Variants in ACOXL observed in about 807,000 individuals in gnomAD.
ACOXL encodes acyl-coenzyme A oxidase-like protein.
A neutral mutation model predicts 71.9 loss-of-function variants in ACOXL; 70 were observed. That is an observed-to-expected ratio of 0.97 (90% CI 0.80 to 1.19). The LOEUF is 1.19. Ranked by LOEUF, ACOXL falls within the 50% of genes most tolerant of loss-of-function variation. The pLI is 0.00. For missense variants in ACOXL, 703 were observed against 736.3 expected, an observed-to-expected ratio of 0.95 and a Z score of 0.52; for synonymous variants, 253 against 281.6, an observed-to-expected ratio of 0.90 and a Z score of 1.02.
At chr2:111,007,826 C>T (rs1445295717) in intron 14 of ACOXL, among the ~76,000 whole-genome samples, 2 of 152,152 alleles carry the variant, frequency 1.3e-5, no homozygotes, top group South Asian at 2.1e-4. Context: ...TCTGTATGCA[C>T]GTATATTAGA....
chr2:110,922,072 A>G (rs1477547688), intron 11 of ACOXL, among the ~76,000 whole-genome samples: 1 of 152,248 alleles, frequency 6.6e-6, no homozygotes, highest in Non-Finnish European at 1.5e-5. Flanking sequence ...TCTGCAGATC[A>G]TATATATCAT....
chr2:111,104,291 T>C (rs777302634), intron 17 of ACOXL, among the ~76,000 whole-genome samples: 47 of 152,352 alleles, frequency 3.1e-4, no homozygotes, highest in Middle Eastern at 6.8e-3. Flanking sequence ...ATAAAATAAA[T>C]TTCATTTTCC....
At position 111,117,903 on chromosome 2, in the gene ACOXL, G is replaced by C; in HGVS notation, c.*87G>C. ...CCCAGAGCTGTGGCCGAGGCCGGGG[G>C]CTGGCACCCGCTGGGCCGCCACTCT... On this transcript the variant is annotated 3_prime_UTR_variant, in exon 18 of 18. Transcript: ENST00000439055. 1 of 1,389,426 alleles carries C rather than the reference G, an allele frequency of 7.2e-7. No individual in the cohort carries two copies. The highest frequency in any genetic ancestry group is 9.6e-7 in the Non-Finnish European group (1 of 1,043,918). 86.1% of individuals were successfully genotyped at this position (1,389,426 alleles called of 1,614,324 possible). A position where few individuals can be genotyped will look rare whatever the true frequency, so the allele number is the denominator to read the frequency against.
chr2:110,760,401 C>T (rs1216374369), intron 1 of ACOXL, among the ~76,000 whole-genome samples: 1 of 152,200 alleles, frequency 6.6e-6, no homozygotes, highest in Non-Finnish European at 1.5e-5. Flanking sequence ...GCCTCAGCCT[C>T]CCAAAGTGCT....
At chr2:111,032,051 G>C (rs188597228) in intron 15 of ACOXL, among the ~76,000 whole-genome samples, 72 of 152,324 alleles carry the variant, frequency 4.7e-4, no homozygotes, top group African/African-American at 1.7e-3. Context: ...GCCTGACCAT[G>C]ATCTCGTTCC....
intron 14 of ACOXL, among the ~76,000 whole-genome samples, chr2:111,026,031 C>A (rs2065003279): frequency 6.6e-6 from 1 of 152,134 alleles, no homozygotes. Context: ...TCCCCTCATT[C>A]AATTACCTTG....
At chr2:110,771,294 G>T (rs1365417720) in intron 2 of ACOXL, among the ~76,000 whole-genome samples, 3 of 152,174 alleles carry the variant, frequency 2.0e-5, no homozygotes, top group African/African-American at 7.2e-5. Context: ...TCCACATCCA[G>T]TAATTCTAGA....
chr2:111,034,092 C>T (rs899034150), intron 15 of ACOXL, among the ~76,000 whole-genome samples: 11 of 152,174 alleles, frequency 7.2e-5, no homozygotes, highest in African/African-American at 1.7e-4. Flanking sequence ...GTTCAGATCC[C>T]GGCTTTACCT....
chr2:110,941,550 CAT>C (rs1332604329), intron 12 of ACOXL, among the ~76,000 whole-genome samples: 1 of 152,128 alleles, frequency 6.6e-6, no homozygotes, highest in Non-Finnish European at 1.5e-5. Flanking sequence ...CATTTGCCCT[CAT>C]ATCTGCCTAA....
intron 1 of ACOXL, among the ~76,000 whole-genome samples, chr2:110,740,635 T>C (rs921296575): frequency 1.3e-4 from 20 of 152,276 alleles, no homozygotes; most frequent in African/African-American, 4.6e-4. Context: ...TTTGTATTTG[T>C]AAACTTGAAT....
chr2:110,839,350 G>A (rs568035237), intron 9 of ACOXL, among the ~76,000 whole-genome samples: 1 of 152,290 alleles, frequency 6.6e-6, no homozygotes, highest in South Asian at 2.1e-4. Context: ...TCTGTAAATT[G>A]CTCATCCTGA....
intron 1 of ACOXL, among the ~76,000 whole-genome samples, chr2:110,741,714 G>A (rs983313601): frequency 1.3e-5 from 2 of 152,204 alleles, no homozygotes; most frequent in Non-Finnish European, 2.9e-5. Flanking sequence ...GAGTAGATGG[G>A]CAGGTATGAA....
chr2:110,775,294 C>T (rs566298471), intron 2 of ACOXL, among the ~76,000 whole-genome samples: 38 of 152,214 alleles, frequency 2.5e-4, no homozygotes, highest in Admixed American at 6.5e-4. Context: ...AAAACACAGG[C>T]TTTTGAAAAA....
chr2:111,021,682 G>A (rs1368946377), intron 14 of ACOXL, among the ~76,000 whole-genome samples: 1 of 152,110 alleles, frequency 6.6e-6, no homozygotes, highest in Non-Finnish European at 1.5e-5. Context: ...AGGAAACCAA[G>A]TTTAATAGAG....
At chr2:110,946,647 T>G (rs1475232806) in intron 12 of ACOXL, among the ~76,000 whole-genome samples, 1 of 152,164 alleles carries the variant, frequency 6.6e-6, no homozygotes, top group African/African-American at 2.4e-5. Flanking sequence ...ATGAGCACAG[T>G]TTGGCTCTAA....
intron 15 of ACOXL, among the ~76,000 whole-genome samples, chr2:111,040,461 T>C (rs2065728617): frequency 6.6e-6 from 1 of 152,132 alleles, no homozygotes; most frequent in South Asian, 2.1e-4. Flanking sequence ...TCCACCCTTC[T>C]CGCCCCATAT....
chr2:111,022,825 CACTT>C (rs1228665318), intron 14 of ACOXL, among the ~76,000 whole-genome samples: 4 of 152,142 alleles, frequency 2.6e-5, no homozygotes, highest in Middle Eastern at 3.4e-3. Context: ...CCACTGGCGA[CACTT>C]ACTACAGAAA....
chr2:111,051,029 A>G (rs1446303190), intron 16 of ACOXL, among the ~76,000 whole-genome samples: 1 of 152,084 alleles, frequency 6.6e-6, no homozygotes, highest in African/African-American at 2.4e-5. Flanking sequence ...GGCGTTCAGT[A>G]TTTTGTGTCT....
chr2:110,960,092 ACTT>A (rs907557493), intron 12 of ACOXL, among the ~76,000 whole-genome samples: 2 of 152,130 alleles, frequency 1.3e-5, no homozygotes, highest in African/African-American at 2.4e-5. Context: ...TTGCAGTGGA[ACTT>A]CTTCAGACCT....
Sources: allele counts gnomAD v4.1 joint callset (sites outside exome capture counted in the v4.1 genomes callset), GRCh38; gene constraint gnomAD v4.1.1; transcripts MANE v1.5; gene names NCBI Gene and HGNC (gene_info 2026-07-23, HGNC 2026-07-21).